NEDD4L: variants seen among roughly 807,000 people sequenced by gnomAD.
The protein encoded by NEDD4L is NEDD4 like E3 ubiquitin protein ligase.
A neutral mutation model predicts 148.9 loss-of-function variants in NEDD4L; 54 were observed. The observed-to-expected ratio is 0.36, with a 90% CI of 0.29 to 0.45. The LOEUF is 0.45. Among genes scored for constraint, NEDD4L ranks in the 20% least tolerant of loss-of-function variants. The pLI is 1.00. For synonymous variants in NEDD4L, 433 were observed against 440.7 expected (o/e 0.98, Z 0.22); for missense variants, 856 against 1,233.8 (o/e 0.69, Z 4.59).
intron 22 of NEDD4L, among the ~76,000 whole-genome samples, chr18:58,368,208 C>G (rs922790293): frequency 6.6e-6 from 1 of 152,106 alleles, no homozygotes; most frequent in Non-Finnish European, 1.5e-5. Context: ...TTAAAATGAT[C>G]TCATCTATCT....
chr18:58,328,571 A>G (rs1424663662), intron 9 of NEDD4L, among the ~76,000 whole-genome samples: 1 of 152,198 alleles, frequency 6.6e-6, no homozygotes, highest in African/African-American at 2.4e-5. Context: ...GCTGGTGACC[A>G]GAAGTAGCTG....
In NEDD4L at chr18:58,356,288, C is replaced by CT. The variant is rs34623575; in HGVS notation, c.1709-891dup. 7.1e-3 allele frequency among the ~76,000 whole-genome samples: 964 copies of CT among 136,712 alleles called. 29 individuals are homozygous for CT. The East Asian group carries it at 0.091, about 13-fold the overall frequency. The allele number at this position is 136,712 out of a possible 152,430, so 89.7% of individuals were successfully genotyped here. On this transcript the variant is annotated intron_variant, in intron 18 of 30. Transcript: ENST00000400345. ...TTACTTTTCAAATAATTTTCTTCTT[C>CT]TTTTTTTTTTTTTTTGTTTTTTACT...
chr18:58,245,391 G>C, intron 2 of NEDD4L, 36 bp from the exon 3 acceptor site: 1 of 1,018,686 alleles, frequency 9.8e-7, no homozygotes, highest in Non-Finnish European at 1.5e-6. Context: ...TGAATGAAAA[G>C]TATAATCCTA....
chr18:58,210,640 G>A (rs1036170133), intron 2 of NEDD4L, among the ~76,000 whole-genome samples: 1 of 152,116 alleles, frequency 6.6e-6, no homozygotes, highest in East Asian at 1.9e-4. Context: ...TAGAGACGGG[G>A]TTTCTCCATG....
intron 1 of NEDD4L, among the ~76,000 whole-genome samples, chr18:58,136,643 GT>G (rs149068988): frequency 0.012 from 1,848 of 152,266 alleles, 36 homozygotes; most frequent in African/African-American, 0.042. Context: ...AACTTAACAG[GT>G]TTAAGGTCAA....
intron 1 of NEDD4L, among the ~76,000 whole-genome samples, chr18:58,145,466 T>C (rs982904612): frequency 6.6e-5 from 10 of 152,186 alleles, no homozygotes; most frequent in African/African-American, 2.4e-4. Context: ...GTAGGCAACG[T>C]TTTCCTCTTT....
chr18:58,151,625 A>ATGTGTGTGTGTGTGTG (rs113714456), intron 1 of NEDD4L, among the ~76,000 whole-genome samples: 6,134 of 140,916 alleles, frequency 0.044, 192 homozygotes, highest in Non-Finnish European at 0.05. Context: ...GTGCCTGGAT[A>ATGTGTGTGTGTGTGTG]TGTGTGTGTG....
intron 19 of NEDD4L, among the ~76,000 whole-genome samples, 162 bp from the exon 20 acceptor site, chr18:58,364,106 T>G (rs1445210013): frequency 6.6e-6 from 1 of 152,202 alleles, no homozygotes; most frequent in Non-Finnish European, 1.5e-5. Context: ...TCTAGGACTT[T>G]CCCCTGTGCT....
chr18:58,177,147 C>T (rs754710910), intron 2 of NEDD4L, among the ~76,000 whole-genome samples: 15 of 152,130 alleles, frequency 9.9e-5, no homozygotes, highest in Non-Finnish European at 1.3e-4. Flanking sequence ...TCATTCCTTC[C>T]TCTCCTTTAT....
At chr18:58,073,226 T>G (rs1365555051) in intron 1 of NEDD4L, among the ~76,000 whole-genome samples, 2 of 152,156 alleles carry the variant, frequency 1.3e-5, no homozygotes, top group Non-Finnish European at 2.9e-5. Context: ...GCTTTTTTTT[T>G]TCTCAGAAAT....
At position 58,162,240 on chromosome 18, in the gene NEDD4L, C is replaced by T. The variant is rs1368271638; in HGVS notation, c.49-3548C>T. Among the ~76,000 whole-genome samples, 4 of 152,086 alleles carry T rather than the reference C, an allele frequency of 2.6e-5. No individual in the cohort carries two copies. In the East Asian group the frequency reaches 7.7e-4, roughly 29 times the overall value. The stretch of plus-strand genomic sequence containing the variant: ...CTGCTTAAAACTTTACAGTGCTTCT[C>T]CCCCAGTGGTCGGGATAATGTTCAC... On this transcript the variant is annotated intron_variant, in intron 1 of 30. Coordinates refer to ENST00000400345, the MANE Select transcript of NEDD4L (RefSeq NM_001144967.3).
intron 1 of NEDD4L, among the ~76,000 whole-genome samples, chr18:58,164,163 C>T (rs904362410): frequency 1.3e-5 from 2 of 150,932 alleles, no homozygotes; most frequent in African/African-American, 4.9e-5. Flanking sequence ...GATTTCAGTG[C>T]CCCTGCCTGA....
intron 1 of NEDD4L, among the ~76,000 whole-genome samples, chr18:58,125,996 GC>G (rs1320942359): frequency 6.6e-6 from 1 of 152,214 alleles, no homozygotes; most frequent in Non-Finnish European, 1.5e-5. Flanking sequence ...GGGGAAGTTG[GC>G]ATCTGCTGTT....
intron 2 of NEDD4L, among the ~76,000 whole-genome samples, chr18:58,220,222 C>T (rs2043587140): frequency 6.6e-6 from 1 of 152,146 alleles, no homozygotes; most frequent in African/African-American, 2.4e-5. Context: ...CCAGACCAGC[C>T]TTGGCAACAT....
At chr18:58,322,194 T>C (rs1223844422) in intron 6 of NEDD4L, among the ~76,000 whole-genome samples, 2 of 152,148 alleles carry the variant, frequency 1.3e-5, no homozygotes, top group Admixed American at 6.5e-5. Context: ...AGCTGTAATT[T>C]TGTCATTTGT....
At chr18:58,332,350 GA>G (rs1216555541) in intron 11 of NEDD4L, among the ~76,000 whole-genome samples, 1 of 152,184 alleles carries the variant, frequency 6.6e-6, no homozygotes, top group African/African-American at 2.4e-5. Context: ...TATTCAAGGG[GA>G]AGAACATGAG....
chr18:58,362,113 A>G (rs1428997564), intron 19 of NEDD4L, among the ~76,000 whole-genome samples: 2 of 152,344 alleles, frequency 1.3e-5, no homozygotes, highest in Middle Eastern at 3.4e-3. Context: ...GAAATATCTC[A>G]ACATTTCCGC....
intron 1 of NEDD4L, among the ~76,000 whole-genome samples, chr18:58,057,158 T>G (rs192071731): frequency 1.3e-5 from 2 of 152,188 alleles, no homozygotes; most frequent in East Asian, 3.9e-4. Flanking sequence ...CCTGGCTTCG[T>G]GAAATGCACA....
intron 5 of NEDD4L, among the ~76,000 whole-genome samples, chr18:58,297,608 T>C (rs2055835017): frequency 6.6e-6 from 1 of 152,126 alleles, no homozygotes; most frequent in African/African-American, 2.4e-5. Context: ...GGCTGAAAAC[T>C]GGCCCACAGA....
Sources: allele counts gnomAD v4.1 joint callset (sites outside exome capture counted in the v4.1 genomes callset), GRCh38; gene constraint gnomAD v4.1.1; transcripts MANE v1.5; gene names NCBI Gene and HGNC (gene_info 2026-07-23, HGNC 2026-07-21).